TTC39B: variants seen among roughly 807,000 people sequenced by gnomAD.
TTC39B encodes tetratricopeptide repeat domain 39B.
In TTC39B, 92 loss-of-function variants were observed where a neutral mutation model predicts 96.6. The ratio of observed to expected loss-of-function variants is 0.95; its 90% CI spans 0.80 to 1.13. The LOEUF (loss-of-function observed/expected upper bound fraction) is 1.13, where lower values mean the gene tolerates loss of function less well. Ranked by LOEUF, TTC39B falls within the 50% of genes most tolerant of loss-of-function variation. TTC39B has a pLI of 0.00. For missense variants in TTC39B, 955 were observed against 809.3 expected (o/e 1.18, Z -2.18); for synonymous variants, 367 against 299.4 (o/e 1.23, Z -2.33).
chr9:15,209,243 CAG>C (rs1820048974), intron 6 of TTC39B, among the ~76,000 whole-genome samples: 1 of 151,876 alleles, frequency 6.6e-6, no homozygotes, highest in South Asian at 2.1e-4. Context: ...ACTGAAAAGA[CAG>C]AACTGATCAT....
exon 20 of TTC39B, chr9:15,167,004 A>T (rs866677692): frequency 2.0e-3 from 11 of 5,390 alleles, no homozygotes; most frequent in South Asian, 6.4e-3. Flanking sequence ...ATATATATAT[A>T]TATATATATA....
At chr9:15,182,976 T>C (rs1317457547) in intron 16 of TTC39B, among the ~76,000 whole-genome samples, 1 of 152,230 alleles carries the variant, frequency 6.6e-6, no homozygotes, top group Non-Finnish European at 1.5e-5. Flanking sequence ...TAATGATTTC[T>C]CATTACAGAT....
intron 2 of TTC39B, among the ~76,000 whole-genome samples, chr9:15,239,679 G>A (rs1003655893): frequency 2.0e-5 from 3 of 152,112 alleles, no homozygotes; most frequent in Non-Finnish European, 4.4e-5. Context: ...CAAATACCAT[G>A]GGTTCTCACT....
chr9:15,242,498 G>C (rs560035563), intron 2 of TTC39B, among the ~76,000 whole-genome samples: 1 of 152,250 alleles, frequency 6.6e-6, no homozygotes, highest in African/African-American at 2.4e-5. Context: ...CGGGAGGATC[G>C]CTTGAAACAG....
intron 2 of TTC39B, 119 bp from the exon 3 acceptor site, chr9:15,226,131 T>G (rs1212139605): frequency 1.4e-6 from 1 of 725,394 alleles, no homozygotes; most frequent in African/African-American, 1.8e-5. Flanking sequence ...TACCTCCATT[T>G]CTTATCAATT....
chr9:15,211,492 C>G (rs936026658), intron 4 of TTC39B, 95 bp from the exon 5 acceptor site: 2 of 1,089,142 alleles, frequency 1.8e-6, no homozygotes, highest in Non-Finnish European at 2.4e-6. Flanking sequence ...TGCACAGTAA[C>G]CTTTATTCCT....
intron 2 of TTC39B, among the ~76,000 whole-genome samples, chr9:15,253,579 A>G (rs939934725): frequency 2.6e-5 from 4 of 152,256 alleles, no homozygotes; most frequent in African/African-American, 9.6e-5. Flanking sequence ...TTAATCTGTT[A>G]TAGCAGCCAT....
chr9:15,234,067 C>T (rs562329379), intron 2 of TTC39B, among the ~76,000 whole-genome samples: 1 of 138,558 alleles, frequency 7.2e-6, no homozygotes, highest in Non-Finnish European at 1.5e-5. Context: ...ATGTGAGGAG[C>T]GCCTCTGCCC....
intron 1 of TTC39B, among the ~76,000 whole-genome samples, chr9:15,273,301 C>G (rs1381689065): frequency 6.6e-6 from 1 of 152,072 alleles, no homozygotes; most frequent in African/African-American, 2.4e-5. Flanking sequence ...TTCAGGCCTC[C>G]CTATCTGATT....
intron 8 of TTC39B, among the ~76,000 whole-genome samples, chr9:15,196,764 ATG>A (rs1282787726): frequency 3.3e-5 from 5 of 152,244 alleles, no homozygotes; most frequent in Admixed American, 6.5e-5. Context: ...ATTTGAGAGC[ATG>A]GATCTAACTC....
chr9:15,243,494 CT>C (rs1411577878), intron 2 of TTC39B, among the ~76,000 whole-genome samples: 1 of 152,174 alleles, frequency 6.6e-6, no homozygotes, highest in East Asian at 1.9e-4. Context: ...GTCATCGCCC[CT>C]GCAAGGAAAC....
At chr9:15,234,619 C>T (rs1040970646) in intron 2 of TTC39B, among the ~76,000 whole-genome samples, 3 of 152,092 alleles carry the variant, frequency 2.0e-5, no homozygotes, top group African/African-American at 7.2e-5. Context: ...ATTGAGAAAT[C>T]GGATGGTTGC....
chr9:15,187,001 C>A (rs750158507), exon 15 of TTC39B: 5 of 1,613,136 alleles, frequency 3.1e-6, no homozygotes, highest in Non-Finnish European at 4.2e-6. Context: ...TGGAAGCATA[C>A]TCAAAATTGC....
intron 3 of TTC39B, among the ~76,000 whole-genome samples, chr9:15,225,475 T>C (rs1176050504): frequency 6.6e-6 from 1 of 152,156 alleles, no homozygotes; most frequent in Non-Finnish European, 1.5e-5. Flanking sequence ...AAATCTATTA[T>C]GGTTACAACT....
chr9:15,181,196 G>C (rs192958106), intron 17 of TTC39B, among the ~76,000 whole-genome samples: 7 of 152,112 alleles, frequency 4.6e-5, no homozygotes, highest in Admixed American at 4.6e-4. Context: ...TCTTTTTACA[G>C]TTAACAAAAA....
chr9:15,207,761 G>A (rs984236709), intron 6 of TTC39B, among the ~76,000 whole-genome samples: 1 of 151,636 alleles, frequency 6.6e-6, no homozygotes, highest in Non-Finnish European at 1.5e-5. Flanking sequence ...TGAGGCGGGC[G>A]GATCACAAGG....
intron 1 of TTC39B, among the ~76,000 whole-genome samples, chr9:15,270,147 G>A (rs1235411205): frequency 6.6e-6 from 1 of 151,708 alleles, no homozygotes. Context: ...TCCAGACTGG[G>A]CAACAGAGCA....
At chr9:15,293,088 T>C (rs965774305) in intron 1 of TTC39B, among the ~76,000 whole-genome samples, 1 of 152,222 alleles carries the variant, frequency 6.6e-6, no homozygotes, top group Non-Finnish European at 1.5e-5. Context: ...AGGTGTACTG[T>C]TTTTTATATT....
intron 11 of TTC39B, among the ~76,000 whole-genome samples, 192 bp downstream of exon 11, chr9:15,190,362 G>A (rs1818785606): frequency 6.6e-6 from 1 of 151,872 alleles, no homozygotes; most frequent in Non-Finnish European, 1.5e-5. Context: ...TTAATTTAGA[G>A]ACAGGATCTC....
Sources: gnomAD v4.1 joint callset for allele counts (sites outside exome capture counted in the v4.1 genomes callset) on GRCh38, gnomAD v4.1.1 for gene constraint, MANE v1.5 for transcripts, NCBI Gene and HGNC (gene_info 2026-07-23, HGNC 2026-07-21) for gene names.